The following FOXJ3 variants were observed in gnomAD, a reference collection of about 807,000 sequenced individuals.
The protein encoded by FOXJ3 is forkhead box protein J3.
A neutral mutation model predicts 76.1 loss-of-function variants in FOXJ3; 22 were observed. That is an observed-to-expected ratio of 0.29 (90% confidence interval 0.21 to 0.41). FOXJ3 has a LOEUF of 0.41. Ranked by LOEUF, FOXJ3 falls within the 10% of genes least tolerant of loss-of-function variation. The pLI is 1.00. For missense variants in FOXJ3, 613 were observed against 762.1 expected, an observed-to-expected ratio of 0.80 and a Z score of 2.30; for synonymous variants, 269 against 261.2, an observed-to-expected ratio of 1.03 and a Z score of -0.29.
rs1646783885 is a variant in FOXJ3 at position 42,202,568 on chromosome 1, T to C, written c.630+3194A>G. On this transcript the variant is annotated intron_variant, in intron 6 of 12. Coordinates refer to ENST00000361346, the MANE Select transcript of FOXJ3 (RefSeq NM_014947.5). ...GGTAAATGTAAAGCCATTTTTTTTC[T>C]GATTTAAATCTCTTGAAATGATAAT... Among the ~76,000 whole-genome samples the C allele has an allele frequency of 2.0e-5, 3 of 152,238 alleles. 1 individual carries two copies. The South Asian group carries it at 6.2e-4, about 31-fold the overall frequency.
chr1:42,186,269 C>A (rs1646433279), intron 11 of FOXJ3, among the ~76,000 whole-genome samples: 1 of 152,016 alleles, frequency 6.6e-6, no homozygotes, highest in Non-Finnish European at 1.5e-5. Flanking sequence ...TGTGAACAGA[C>A]ATCAGCAGGC....
At chr1:42,333,899 C>T (rs1042877441) in intron 1 of FOXJ3, among the ~76,000 whole-genome samples, 1 of 152,148 alleles carries the variant, frequency 6.6e-6, no homozygotes, top group South Asian at 2.1e-4. Context: ...TATGACATCA[C>T]GCTTTTTCAC....
chr1:42,262,818 C>G (rs755179901), intron 4 of FOXJ3, among the ~76,000 whole-genome samples: 11 of 152,180 alleles, frequency 7.2e-5, no homozygotes, highest in Non-Finnish European at 1.3e-4. Context: ...CACTGCACTC[C>G]AGCCTGGGCA....
Position 42,186,005 on chromosome 1 carries a change from T to TCTC in FOXJ3, c.1645+2729_1645+2731dup, listed in dbSNP as rs1646428069. Among the ~76,000 whole-genome samples, 4 of 152,238 alleles carry TCTC rather than the reference T, an allele frequency of 2.6e-5. 1 individual carries two copies. In the South Asian group the frequency reaches 8.3e-4, roughly 32 times the overall value. On this transcript the variant is annotated intron_variant, in intron 11 of 12. Coordinates refer to ENST00000361346, the MANE Select transcript of FOXJ3 (RefSeq NM_014947.5). ...TTTTACAACATTGGGTAAGTCACTT[T>TCTC]CTCCCCCTGGATTACAATGTCCTTA... is the stretch of plus-strand genomic sequence containing the variant.
At chr1:42,203,947 G>T (rs545451812) in intron 6 of FOXJ3, among the ~76,000 whole-genome samples, 3 of 149,060 alleles carry the variant, frequency 2.0e-5, no homozygotes, top group Non-Finnish European at 4.4e-5. Flanking sequence ...AGTGAGCTAA[G>T]ATCACCGCAC....
intron 5 of FOXJ3, among the ~76,000 whole-genome samples, chr1:42,207,947 GA>G (rs778546447): frequency 6.6e-6 from 1 of 152,200 alleles, no homozygotes; most frequent in Non-Finnish European, 1.5e-5. Flanking sequence ...GATTACTTTA[GA>G]AAGGTACAAA....
chr1:42,230,000 A>G (rs1647937341), intron 4 of FOXJ3, among the ~76,000 whole-genome samples: 1 of 152,178 alleles, frequency 6.6e-6, no homozygotes, highest in South Asian at 2.1e-4. Context: ...CCTTTCAATA[A>G]AATTACAAAA....
chr1:42,191,864 C>G, intron 8 of FOXJ3, 145 bp from the exon 9 acceptor site: 1 of 771,762 alleles, frequency 1.3e-6, no homozygotes, highest in Non-Finnish European at 2.1e-6. Context: ...ACATCCACTG[C>G]ACACTAGGCT....
At chr1:42,262,917 A>C (rs944214640) in intron 4 of FOXJ3, among the ~76,000 whole-genome samples, 1 of 152,212 alleles carries the variant, frequency 6.6e-6, no homozygotes, top group Non-Finnish European at 1.5e-5. Flanking sequence ...AAAAATTACT[A>C]CTACAAATGT....
rs928961114 is a variant in FOXJ3, at chr1:42,272,039, C to A, written c.369+6309G>T. 2.0e-5 allele frequency among the ~76,000 whole-genome samples: 3 copies of A among 152,184 alleles called. No homozygotes were observed. The South Asian group carries it at 6.2e-4, about 31-fold the overall frequency. ...CAAAGAGGTATTTTTAATATGTAAT[C>A]TCCCTTCAAGGCCCTGACACAAAAT... On this transcript the variant is annotated intron_variant, in intron 3 of 12. Coordinates refer to ENST00000361346, the MANE Select transcript of FOXJ3 (RefSeq NM_014947.5).
At position 42,194,160 on chromosome 1, in the gene FOXJ3, T is replaced by C. The variant is rs74775131; in HGVS notation, c.934+730A>G. ...TAAAACATGGGGTGTAAATAGTTAA[T>C]GTGCCAAACAAACAAGTAATTAGGA... On this transcript the variant is annotated intron_variant, in intron 8 of 12. Transcript: ENST00000361346. Among the ~76,000 whole-genome samples, 1,086 of 152,308 alleles carry C rather than the reference T, an allele frequency of 7.1e-3. 22 individuals are homozygous for C. The highest frequency in any genetic ancestry group is 0.025 in the African/African-American group (1,049 of 41,568).
intron 4 of FOXJ3, among the ~76,000 whole-genome samples, chr1:42,238,588 G>T (rs543624882): frequency 6.6e-6 from 1 of 151,740 alleles, no homozygotes; most frequent in African/African-American, 2.4e-5. Flanking sequence ...TTTGAGATAG[G>T]GTCTCTGTCA....
intron 5 of FOXJ3, among the ~76,000 whole-genome samples, chr1:42,220,672 G>A (rs1010709975): frequency 6.6e-6 from 1 of 152,134 alleles, no homozygotes; most frequent in Admixed American, 6.5e-5. Flanking sequence ...CCCACTCGTT[G>A]GCCTGCAGTT....
chr1:42,219,509 T>A (rs559138570), intron 5 of FOXJ3, among the ~76,000 whole-genome samples: 3 of 152,312 alleles, frequency 2.0e-5, no homozygotes, highest in South Asian at 2.1e-4. Flanking sequence ...CCATTTCCCA[T>A]AAATCTTGTA....
chr1:42,227,324 A>C (rs1456916602), intron 5 of FOXJ3, among the ~76,000 whole-genome samples: 1 of 152,344 alleles, frequency 6.6e-6, no homozygotes, highest in Middle Eastern at 3.4e-3. Context: ...CTGACTAAAA[A>C]TATGTTAAAA....
intron 5 of FOXJ3, among the ~76,000 whole-genome samples, chr1:42,211,820 C>G: frequency 6.6e-6 from 1 of 152,026 alleles, no homozygotes; most frequent in African/African-American, 2.4e-5. Flanking sequence ...AGAGTTTTCA[C>G]CAGGGAAAGC....
intron 3 of FOXJ3, among the ~76,000 whole-genome samples, chr1:42,276,720 T>C (rs1652290831): frequency 6.6e-6 from 1 of 152,146 alleles, no homozygotes; most frequent in Non-Finnish European, 1.5e-5. Flanking sequence ...TGATAAATAG[T>C]AAACTTTACA....
At chr1:42,319,340 A>C (rs1447083094) in intron 1 of FOXJ3, among the ~76,000 whole-genome samples, 1 of 152,236 alleles carries the variant, frequency 6.6e-6, no homozygotes, top group Non-Finnish European at 1.5e-5. Context: ...AAAAGGAATA[A>C]ATGTTACAAC....
At chr1:42,211,987 C>T (rs547916065) in intron 5 of FOXJ3, among the ~76,000 whole-genome samples, 1 of 152,340 alleles carries the variant, frequency 6.6e-6, no homozygotes, top group South Asian at 2.1e-4. Flanking sequence ...GGCACAGTGG[C>T]TCACGCCTGT....
Sources: allele counts gnomAD v4.1 joint callset (sites outside exome capture counted in the v4.1 genomes callset), GRCh38; gene constraint gnomAD v4.1.1; transcripts MANE v1.5; gene names NCBI Gene and HGNC (gene_info 2026-07-23, HGNC 2026-07-21).